Variants in PPM1H observed in about 807,000 individuals in gnomAD.
The protein encoded by PPM1H is protein phosphatase 1H.
Under a neutral mutation model 54.9 loss-of-function variants are expected in PPM1H, and 27 were observed. The observed-to-expected ratio is 0.49, with a 90% CI of 0.36 to 0.68. The LOEUF (loss-of-function observed/expected upper bound fraction) is 0.68. Ranked by LOEUF, PPM1H falls within the 30% of genes least tolerant of loss-of-function variation. The pLI is 0.00. For synonymous variants in PPM1H, 305 were observed against 270.8 expected, an observed-to-expected ratio of 1.13 and a Z score of -1.24; for missense variants, 596 against 667.8, an observed-to-expected ratio of 0.89 and a Z score of 1.19.
chr12:62,895,994 C>A (rs1870974525), intron 1 of PPM1H, among the ~76,000 whole-genome samples: 1 of 152,118 alleles, frequency 6.6e-6, no homozygotes, highest in Non-Finnish European at 1.5e-5. Flanking sequence ...GTTTAATAAG[C>A]CCTATAGGTG....
chr12:62,812,100 T>C (rs2076839152), intron 2 of PPM1H, among the ~76,000 whole-genome samples: 1 of 152,218 alleles, frequency 6.6e-6, no homozygotes, highest in Admixed American at 6.5e-5. Flanking sequence ...CTTTGTGTAA[T>C]TAATCTCCTC....
At chr12:62,887,285 T>C (rs577368208) in intron 1 of PPM1H, among the ~76,000 whole-genome samples, 4 of 152,324 alleles carry the variant, frequency 2.6e-5, no homozygotes, top group African/African-American at 9.6e-5. Flanking sequence ...CAAAAGTTCA[T>C]GTATGAAACA....
At chr12:62,728,231 T>A (rs1439318972) in intron 5 of PPM1H, among the ~76,000 whole-genome samples, 5 of 152,112 alleles carry the variant, frequency 3.3e-5, no homozygotes, top group Admixed American at 6.5e-5. Context: ...CACAGATTTG[T>A]TAAAGAGAAT....
At chr12:62,814,224 T>C (rs1038712636) in intron 2 of PPM1H, among the ~76,000 whole-genome samples, 5 of 152,074 alleles carry the variant, frequency 3.3e-5, no homozygotes, top group Non-Finnish European at 7.4e-5. Context: ...GGACCATGAG[T>C]GCACCACCAC....
intron 2 of PPM1H, among the ~76,000 whole-genome samples, chr12:62,816,501 T>C (rs556434501): frequency 4.6e-5 from 7 of 152,186 alleles, no homozygotes; most frequent in Non-Finnish European, 1.0e-4. Context: ...GTAAGCTGCA[T>C]ACAAAACACT....
In PPM1H at chr12:62,720,227, T is replaced by C; in HGVS notation, c.1017A>G (p.Val339=). The part of the protein sequence containing the change: ...EFTHLEFPRR[V]QRKELGKKML... ...TCTTCTTTCCAAGCTCCTTTCTCTG[T>C]ACTCTCCTTGGAAACTCCAAATGTG... is the stretch of plus-strand genomic sequence containing the variant. Residue 339 remains valine, a synonymous_variant, in exon 6 of 10, where the codon GTA becomes GTG. Transcript: ENST00000228705. 1 of 1,613,852 alleles carries C rather than the reference T, an allele frequency of 6.2e-7. No homozygotes were observed. The highest frequency in any genetic ancestry group is 8.5e-7 in the Non-Finnish European group (1 of 1,179,742).
At chr12:62,867,024 AG>A in intron 1 of PPM1H, among the ~76,000 whole-genome samples, 1 of 152,116 alleles carries the variant, frequency 6.6e-6, no homozygotes, top group East Asian at 1.9e-4. Context: ...AAATACCTCC[AG>A]TTCCAGCCTT....
intron 4 of PPM1H, among the ~76,000 whole-genome samples, chr12:62,774,284 G>C (rs1337059146): frequency 2.0e-5 from 3 of 152,212 alleles, no homozygotes; most frequent in Non-Finnish European, 4.4e-5. Flanking sequence ...TCCCAGCCCA[G>C]TGTTTTTTCC....
At chr12:62,764,642 A>T (rs1206349693) in intron 4 of PPM1H, among the ~76,000 whole-genome samples, 2 of 151,020 alleles carry the variant, frequency 1.3e-5, no homozygotes, top group African/African-American at 4.9e-5. Flanking sequence ...AGCACCTCCT[A>T]CTTCGTGCCA....
At chr12:62,759,122 G>A (rs1187164577) in intron 4 of PPM1H, among the ~76,000 whole-genome samples, 2 of 152,246 alleles carry the variant, frequency 1.3e-5, no homozygotes, top group East Asian at 1.9e-4. Flanking sequence ...GACTCAGCCC[G>A]CCTGCACCCA....
chr12:62,717,551 A>G (rs2076242353), intron 6 of PPM1H, among the ~76,000 whole-genome samples: 1 of 152,214 alleles, frequency 6.6e-6, no homozygotes, highest in South Asian at 2.1e-4. Flanking sequence ...GTGTGCATAT[A>G]AAGTTGGATA....
At chr12:62,692,354 G>A (rs1366572271) in intron 7 of PPM1H, among the ~76,000 whole-genome samples, 2 of 152,204 alleles carry the variant, frequency 1.3e-5, no homozygotes, top group Non-Finnish European at 2.9e-5. Flanking sequence ...ATGTTTTGGT[G>A]AATTGAACTT....
chr12:62,831,859 C>T (rs1009246270), intron 2 of PPM1H, among the ~76,000 whole-genome samples: 2 of 151,256 alleles, frequency 1.3e-5, no homozygotes, highest in African/African-American at 2.4e-5. Context: ...ATTATTGCAA[C>T]AAGAGCTAGA....
At chr12:62,930,132 C>A (rs1872088378) in intron 1 of PPM1H, among the ~76,000 whole-genome samples, 1 of 152,150 alleles carries the variant, frequency 6.6e-6, no homozygotes, top group African/African-American at 2.4e-5. Context: ...GCAATTAGTG[C>A]CAATGACCAA....
At chr12:62,811,108 G>A (rs959856587) in intron 2 of PPM1H, among the ~76,000 whole-genome samples, 5 of 152,154 alleles carry the variant, frequency 3.3e-5, no homozygotes, top group African/African-American at 1.2e-4. Context: ...ATGGGGTATG[G>A]GGGGCACACG....
intron 2 of PPM1H, among the ~76,000 whole-genome samples, chr12:62,824,978 G>A (rs915429474): frequency 6.6e-6 from 1 of 151,974 alleles, no homozygotes; most frequent in African/African-American, 2.4e-5. Flanking sequence ...TACAGAATGG[G>A]AGAAATTTTT....
chr12:62,784,750 T>C (rs1355309574), intron 4 of PPM1H, among the ~76,000 whole-genome samples: 1 of 152,252 alleles, frequency 6.6e-6, no homozygotes, highest in East Asian at 1.9e-4. Context: ...TGAATATTTC[T>C]GTAAGCTCAA....
At chr12:62,683,433 T>G (rs2076034410) in intron 8 of PPM1H, among the ~76,000 whole-genome samples, 1 of 152,208 alleles carries the variant, frequency 6.6e-6, no homozygotes, top group Admixed American at 6.5e-5. Flanking sequence ...AGGCTGTGAT[T>G]GCTTGTGCAG....
chr12:62,716,821 T>C (rs1050669153), intron 6 of PPM1H, among the ~76,000 whole-genome samples: 3 of 152,170 alleles, frequency 2.0e-5, no homozygotes, highest in Non-Finnish European at 2.9e-5. Context: ...TCAGCCACCA[T>C]GCCCAGCCTC....
Sources: allele counts gnomAD v4.1 joint callset (sites outside exome capture counted in the v4.1 genomes callset), GRCh38; gene constraint gnomAD v4.1.1; transcripts MANE v1.5; gene names NCBI Gene and HGNC (gene_info 2026-07-23, HGNC 2026-07-21).